Variants in KIAA0232 observed in about 807,000 individuals in gnomAD.
KIAA0232 encodes the protein KIAA0232.
In KIAA0232, 27 loss-of-function variants were observed where a neutral mutation model predicts 122.0. That is an observed-to-expected ratio of 0.22 (90% CI 0.16 to 0.31). The LOEUF (loss-of-function observed/expected upper bound fraction) is 0.31. Among genes scored for constraint, KIAA0232 ranks in the 10% least tolerant of loss-of-function variants. The pLI is 1.00. For missense variants in KIAA0232, 1,551 were observed against 1,634.2 expected, an observed-to-expected ratio of 0.95 and a Z score of 0.88; for synonymous variants, 613 against 587.6, an observed-to-expected ratio of 1.04 and a Z score of -0.63.
chr4:6,835,602 C>T (rs776116304), intron 3 of KIAA0232, among the ~76,000 whole-genome samples: 16 of 152,152 alleles, frequency 1.1e-4, no homozygotes, highest in African/African-American at 1.7e-4. Context: ...TTTCTCCTAA[C>T]GCTATCCCTC....
At chr4:6,783,904 C>T (rs1171043929) in intron 1 of KIAA0232, among the ~76,000 whole-genome samples, 2 of 152,162 alleles carry the variant, frequency 1.3e-5, no homozygotes, top group African/African-American at 2.4e-5. Context: ...TGCTTCTTCC[C>T]GCTGGAGAAA....
intron 4 of KIAA0232, among the ~76,000 whole-genome samples, chr4:6,844,814 A>G (rs1373037326): frequency 2.6e-5 from 4 of 152,210 alleles, no homozygotes; most frequent in African/African-American, 7.2e-5. Flanking sequence ...ACATACAGCT[A>G]TCTTAGGCAC....
intron 6 of KIAA0232, among the ~76,000 whole-genome samples, chr4:6,860,241 C>T (rs1049771754): frequency 6.6e-6 from 1 of 152,148 alleles, no homozygotes; most frequent in Admixed American, 6.5e-5. Flanking sequence ...TCCTCACAAC[C>T]CTGAGAGGTA....
chr4:6,800,746 G>A (rs1717353158), intron 1 of KIAA0232, among the ~76,000 whole-genome samples: 1 of 152,136 alleles, frequency 6.6e-6, no homozygotes, highest in South Asian at 2.1e-4. Context: ...TTCTGTAAAT[G>A]AAGTAAGCAG....
chr4:6,785,517 T>C (rs916476173), intron 1 of KIAA0232, among the ~76,000 whole-genome samples: 1 of 152,206 alleles, frequency 6.6e-6, no homozygotes, highest in African/African-American at 2.4e-5. Context: ...AGGGAAGACG[T>C]GAAATGTCGT....
chr4:6,883,918 T>C lies in KIAA0232; in HGVS notation c.*2952T>C, dbSNP rs550437445. On this transcript the variant is annotated 3_prime_UTR_variant, in exon 10 of 10. Transcript: ENST00000307659. ...ATTCAAGAGTGTACTATACTTGTTC[T>C]TCTATAACATCAGAAATAGGTTTTT... The C allele has an allele frequency of 1.3e-3, 192 of 152,318 alleles. No individual in the cohort carries two copies. Among genetic ancestry groups the C allele is most frequent in the African/African-American group, 4.2e-3 (176 of 41,576 alleles). The allele number at this position is 152,318 out of a possible 1,614,324, so 9.4% of individuals were successfully genotyped here. A position where few individuals can be genotyped will look rare whatever the true frequency, so the allele number is the denominator to read the frequency against.
At chr4:6,797,206 C>T (rs761209733) in intron 1 of KIAA0232, among the ~76,000 whole-genome samples, 12 of 152,204 alleles carry the variant, frequency 7.9e-5, no homozygotes, top group Non-Finnish European at 1.3e-4. Flanking sequence ...GAAACTGAAG[C>T]TCCTCTGACT....
Position 6,837,279 on chromosome 4 carries a change from C to T in KIAA0232, c.232-4788C>T, listed in dbSNP as rs576433992. Reference sequence around the variant, plus strand: ...GCTCCTCACCTCCCAGACGGGTTGGCGGCGGGGCAGAGACGCTCCTCAGTT... The same window carrying T: ...GCTCCTCACCTCCCAGACGGGTTGGTGGCGGGGCAGAGACGCTCCTCAGTT... On this transcript the variant is annotated intron_variant, in intron 3 of 9. Transcript: ENST00000307659. Among the ~76,000 whole-genome samples the T allele has an allele frequency of 7.3e-5, 11 of 151,550 alleles. No individual in the cohort carries two copies. In the East Asian group the frequency reaches 1.6e-3, roughly 21 times the overall value.
intron 4 of KIAA0232, among the ~76,000 whole-genome samples, chr4:6,854,889 GATT>G (rs967503713): frequency 6.6e-6 from 1 of 151,956 alleles, no homozygotes; most frequent in African/African-American, 2.4e-5. Context: ...ACTGAAATTT[GATT>G]ATTAATATTT....
intron 9 of KIAA0232, among the ~76,000 whole-genome samples, chr4:6,879,301 A>G (rs1310380770): frequency 3.3e-5 from 5 of 152,190 alleles, no homozygotes; most frequent in Non-Finnish European, 5.9e-5. Flanking sequence ...AAAGTGAAGC[A>G]CAAAAACATC....
intron 5 of KIAA0232, among the ~76,000 whole-genome samples, chr4:6,857,635 A>G (rs1720631534): frequency 2.0e-5 from 3 of 152,152 alleles, no homozygotes; most frequent in African/African-American, 7.2e-5. Flanking sequence ...CTGCTAAATT[A>G]CGACATTAAA....
At chr4:6,848,299 A>G (rs917493523) in intron 4 of KIAA0232, among the ~76,000 whole-genome samples, 4 of 152,244 alleles carry the variant, frequency 2.6e-5, no homozygotes, top group Admixed American at 6.5e-5. Flanking sequence ...CATGTAAAGT[A>G]TGTCACGGCA....
chr4:6,852,003 A>T (rs1056186097), intron 4 of KIAA0232, among the ~76,000 whole-genome samples: 2 of 152,122 alleles, frequency 1.3e-5, no homozygotes, highest in Non-Finnish European at 2.9e-5. Context: ...TTATTATAAC[A>T]GTTTGATATC....
chr4:6,859,352 G>A (rs1028496693), intron 6 of KIAA0232, among the ~76,000 whole-genome samples: 5 of 151,988 alleles, frequency 3.3e-5, no homozygotes, highest in African/African-American at 7.2e-5. Context: ...GAAAAAAATA[G>A]CATTTCCTTG....
At chr4:6,844,522 A>G (rs188442060) in intron 4 of KIAA0232, among the ~76,000 whole-genome samples, 1 of 150,612 alleles carries the variant, frequency 6.6e-6, no homozygotes, top group East Asian at 2.0e-4. Flanking sequence ...GCTCACTGCA[A>G]CCTCCTGGGT....
At chr4:6,844,428 T>C (rs1157380766) in intron 4 of KIAA0232, among the ~76,000 whole-genome samples, 1 of 151,952 alleles carries the variant, frequency 6.6e-6, no homozygotes, top group Non-Finnish European at 1.5e-5. Context: ...TTAATTTCTT[T>C]TTCTTTTTCT....
intron 3 of KIAA0232, 62 bp downstream of exon 3, chr4:6,824,746 T>A: frequency 1.4e-6 from 2 of 1,380,758 alleles, no homozygotes; most frequent in Non-Finnish European, 2.0e-6. Context: ...ACATTCCTCT[T>A]AAACAAGCAC....
chr4:6,881,287 G>A lies in KIAA0232; in HGVS notation c.*321G>A, dbSNP rs1171787054. ...CTTAACTGCAGTTAATTTTCCTTCC[G>A]ACTGCGGTTATATCACTATGACCTT... On this transcript the variant is annotated 3_prime_UTR_variant, in exon 10 of 10. Transcript: ENST00000307659. 2 of 189,388 alleles carry A rather than the reference G, an allele frequency of 1.1e-5. No individual in the cohort carries two copies. The highest frequency in any genetic ancestry group is 2.3e-5 in the African/African-American group (1 of 42,850). The allele number at this position is 189,388 out of a possible 1,614,324, so 11.7% of individuals were successfully genotyped here.
chr4:6,786,374 C>T (rs1716617261), intron 1 of KIAA0232, among the ~76,000 whole-genome samples: 1 of 152,188 alleles, frequency 6.6e-6, no homozygotes, highest in African/African-American at 2.4e-5. Context: ...GTGATCGTGG[C>T]TCACTGTAGC....
Sources: allele counts gnomAD v4.1 joint callset (sites outside exome capture counted in the v4.1 genomes callset), GRCh38; gene constraint gnomAD v4.1.1; transcripts MANE v1.5; gene names NCBI Gene and HGNC (gene_info 2026-07-23, HGNC 2026-07-21).